Variants in EWSR1 observed in about 807,000 individuals in gnomAD.
The protein encoded by EWSR1 is RNA-binding protein EWS.
In EWSR1, 14 loss-of-function variants were observed where a neutral mutation model predicts 92.1. The ratio of observed to expected loss-of-function variants is 0.15; its 90% CI spans 0.10 to 0.24. The LOEUF (loss-of-function observed/expected upper bound fraction) is 0.24. Among genes scored for constraint, EWSR1 ranks in the 10% least tolerant of loss-of-function variants. The pLI is 1.00. For missense variants in EWSR1, 637 were observed against 870.9 expected, an observed-to-expected ratio of 0.73 and a Z score of 3.38; for synonymous variants, 303 against 292.9, an observed-to-expected ratio of 1.03 and a Z score of -0.35.
In EWSR1 at chr22:29,299,586, A is replaced by C; in HGVS notation, c.1679-13A>C. 6.3e-7 allele frequency: 1 copy of C among 1,579,606 alleles called. No homozygotes were observed. The highest frequency in any genetic ancestry group is 1.2e-5 in the South Asian group (1 of 86,542). Reference sequence around the variant, plus strand: ...ACCCACTGACTGCTTTCGCCCTGCTATTCTCACCTTAGGTGGTGATCGTGG... The same window carrying C: ...ACCCACTGACTGCTTTCGCCCTGCTCTTCTCACCTTAGGTGGTGATCGTGG... On this transcript the variant is annotated splice_polypyrimidine_tract_variant and intron_variant, in intron 15 of 16. Transcript: ENST00000397938.
chr22:29,288,109 GTAACCAAAACACATAAT>G (rs575675760), intron 7 of EWSR1, among the ~76,000 whole-genome samples: 152 of 152,316 alleles, frequency 1.0e-3, no homozygotes, highest in African/African-American at 3.6e-3. Flanking sequence ...ATGGAGAGAG[GTAACCAAAACACATAAT>G]TATCTTCAGA....
At chr22:29,273,623 T>G in intron 3 of EWSR1, 118 bp from the exon 4 acceptor site, 2 of 1,192,156 alleles carry the variant, frequency 1.7e-6, no homozygotes, top group Non-Finnish European at 2.3e-6. Flanking sequence ...TTTGTTTTGT[T>G]TTTTTAATCT....
At chr22:29,268,917 C>A (rs2857460) in intron 1 of EWSR1, among the ~76,000 whole-genome samples, 1 of 152,206 alleles carries the variant, frequency 6.6e-6, no homozygotes, top group South Asian at 2.1e-4. Context: ...CGCTGCCGAG[C>A]TGCCCCCTCT....
Position 29,299,774 on chromosome 22 carries a change from TG to T in EWSR1, c.1860del (p.Pro622LeufsTer4), listed in dbSNP as rs2147853961. 2.5e-6 allele frequency: 4 copies of T among 1,602,950 alleles called. No homozygotes were observed. Among genetic ancestry groups the T allele is most frequent in the South Asian group, 1.1e-5 (1 of 89,918 alleles). ...GFGGGRRGGP[G>X]GPPGPLMEQM... ...TTGGTGGAGGAAGACGAGGTGGCCC[TG>T]GGGGGCCCCCTGGACCTTTGATGGA... On this transcript the variant is annotated frameshift_variant, in exon 16 of 17. Coordinates refer to ENST00000397938, the MANE Select transcript of EWSR1 (RefSeq NM_005243.4). LOFTEE classifies it high-confidence loss of function.
At chr22:29,289,689 T>A (rs1434487175) in intron 8 of EWSR1, 3 of 232,516 alleles carry the variant, frequency 1.3e-5, no homozygotes, top group Non-Finnish European at 2.5e-5. Context: ...GTGCCACTAT[T>A]CAAGGAAAAA....
chr22:29,270,508 A>G (rs2058586667), intron 1 of EWSR1, among the ~76,000 whole-genome samples: 1 of 152,242 alleles, frequency 6.6e-6, no homozygotes, highest in Non-Finnish European at 1.5e-5. Flanking sequence ...CTCTAGGAAG[A>G]TAAATGTAAG....
In EWSR1 at chr22:29,292,606, G is replaced by C; in HGVS notation, c.1164G>C (p.Lys388Asn). The C allele has an allele frequency of 6.3e-7, 1 of 1,597,836 alleles. No individual in the cohort carries two copies. ...ADFFKQCGVVKMNKRTGQPMI... is the reference protein window; with the variant it reads ...ADFFKQCGVVNMNKRTGQPMI... ...TCTTTAAGCAGTGTGGGGTTGTTAA[G>C]GTCAGTAAAAGCATAACCAGGTCAT... The change falls in exon 11 of 17, where the codon AAG becomes AAC. Residue 388 changes from lysine to asparagine, a missense_variant and splice_region_variant. This residue lies in a region of EWSR1 where 363 missense variants were observed against 447.8 expected (regional missense o/e 0.81). Coordinates refer to ENST00000397938, the MANE Select transcript of EWSR1 (RefSeq NM_005243.4).
At chr22:29,280,674 G>GTTTT (rs1005931943) in intron 5 of EWSR1, among the ~76,000 whole-genome samples, 1 of 134,980 alleles carries the variant, frequency 7.4e-6, no homozygotes, top group Non-Finnish European at 1.6e-5. Flanking sequence ...GGTTTGGTTG[G>GTTTT]TTTTTTTTTT....
At position 29,299,604 on chromosome 22, in the gene EWSR1, G is replaced by C; in HGVS notation, c.1684G>C (p.Asp562His). Residue 562 changes from aspartate (D) to histidine (H), a missense_variant, in exon 16 of 17, where the codon GAT (aspartate) becomes CAT (histidine). Physicochemically the swap from Asp to His is moderately conservative, Grantham distance 81. This residue lies in a region of EWSR1 where 363 missense variants were observed against 447.8 expected (regional missense o/e 0.81). Transcript: ENST00000397938. The part of the protein sequence containing the change: ...LPPPFPPPGG[D>H]RGRGGPGGMR... ...CCCTGCTATTCTCACCTTAGGTGGT[G>C]ATCGTGGCAGAGGTGGCCCTGGTGG... The C allele has an allele frequency of 6.3e-7, 1 of 1,597,900 alleles. No homozygotes were observed. The highest frequency in any genetic ancestry group is 8.5e-7 in the Non-Finnish European group (1 of 1,170,432).
intron 5 of EWSR1, among the ~76,000 whole-genome samples, chr22:29,280,786 G>A (rs2059505091): frequency 6.8e-6 from 1 of 146,056 alleles, no homozygotes; most frequent in South Asian, 2.2e-4. Flanking sequence ...TGATTCTCCT[G>A]CCTCAGCCTC....
chr22:29,299,136 C>G, intron 14 of EWSR1, 98 bp from the exon 15 acceptor site: 2 of 1,603,784 alleles, frequency 1.2e-6, no homozygotes, highest in Admixed American at 1.7e-5. Flanking sequence ...TACATAGATC[C>G]TCTTGATAGT....
At chr22:29,293,691 A>C (rs2060621129) in intron 11 of EWSR1, among the ~76,000 whole-genome samples, 1 of 151,910 alleles carries the variant, frequency 6.6e-6, no homozygotes, top group Non-Finnish European at 1.5e-5. Context: ...CAGCCTCCTG[A>C]GTAGCTAGGA....
intron 7 of EWSR1, among the ~76,000 whole-genome samples, chr22:29,288,055 G>A (rs1331326227): frequency 1.3e-5 from 2 of 152,138 alleles, no homozygotes; most frequent in Non-Finnish European, 1.5e-5. Flanking sequence ...AAAAGGAAAG[G>A]GGGAAAAATA....
intron 3 of EWSR1, among the ~76,000 whole-genome samples, chr22:29,272,702 A>G (rs886509542): frequency 6.6e-6 from 1 of 152,232 alleles, no homozygotes; most frequent in African/African-American, 2.4e-5. Flanking sequence ...CTTCTTCATT[A>G]TGTTTAAATT....
chr22:29,272,134 C>G, intron 1 of EWSR1, 82 bp from the exon 2 acceptor site: 1 of 1,276,988 alleles, frequency 7.8e-7, no homozygotes, highest in Non-Finnish European at 1.1e-6. Flanking sequence ...ATTCTTCCTG[C>G]CACGTGAATT....
At chr22:29,289,978 A>G (rs1352646591) in intron 8 of EWSR1, 1 of 232,286 alleles carries the variant, frequency 4.3e-6, no homozygotes, top group Non-Finnish European at 8.5e-6. Context: ...ATAGACATAG[A>G]CACTTGAAAG....
At chr22:29,273,340 GT>G (rs1212519151) in intron 3 of EWSR1, among the ~76,000 whole-genome samples, 2 of 152,152 alleles carry the variant, frequency 1.3e-5, no homozygotes, top group Admixed American at 6.5e-5. Flanking sequence ...CGTACCTTTT[GT>G]TTCCAATCAC....
intron 1 of EWSR1, 22 bp from the exon 2 acceptor site, chr22:29,272,191 ATTT>A: frequency 6.2e-7 from 1 of 1,610,402 alleles, no homozygotes; most frequent in Non-Finnish European, 8.5e-7. Flanking sequence ...ACTTTACACT[ATTT>A]TTCCTCCTTG....
chr22:29,296,246 A>G lies in EWSR1; in HGVS notation c.1172A>G (p.Lys391Arg), dbSNP rs769840252. ...FKQCGVVKMN[K>R]RTGQPMIHIY... ...ATGCTATTCTTTGTCTAGATGAACAAGAGAACTGGGCAACCCATGATCCAC... is the reference window on the plus strand; with the variant it reads ...ATGCTATTCTTTGTCTAGATGAACAGGAGAACTGGGCAACCCATGATCCAC... Residue 391 changes from lysine to arginine, a missense_variant, in exon 12 of 17, where the codon AAG becomes AGG. Lys to Arg is a conservative substitution (Grantham distance 26, BLOSUM62 2). Around this residue, in one of 5 missense-constraint regions of EWSR1, gnomAD observed 363 missense variants for 447.8 expected, o/e 0.81. Transcript: ENST00000397938. 2.5e-6 allele frequency: 4 copies of G among 1,614,030 alleles called. No homozygotes were observed. The highest frequency in any genetic ancestry group is 3.3e-5 in the Admixed American group (2 of 60,016).
Sources: gnomAD v4.1 joint callset for allele counts (sites outside exome capture counted in the v4.1 genomes callset) on GRCh38, gnomAD v4.1.1 for gene constraint, gnomAD v4.1.1 regional missense constraint, MANE v1.5 for transcripts, NCBI Gene and HGNC (gene_info 2026-07-23, HGNC 2026-07-21) for gene names.